AMTN: variants seen among roughly 807,000 people sequenced by gnomAD.
The protein encoded by AMTN is RSTI689.
In AMTN, 29 loss-of-function variants were observed where a neutral mutation model predicts 27.4. The observed-to-expected ratio is 1.06, with a 90% CI of 0.79 to 1.44. The LOEUF (loss-of-function observed/expected upper bound fraction) is 1.44. Ranked by LOEUF, AMTN falls within the 40% of genes most tolerant of loss-of-function variation. AMTN has a pLI of 0.00. For synonymous variants in AMTN, 86 were observed against 95.7 expected (o/e 0.90, Z 0.59); for missense variants, 247 against 248.8 (o/e 0.99, Z 0.05).
chr4:70,530,977 T>C (rs2109775634), intron 7 of AMTN, 62 bp from the exon 8 acceptor site: 1 of 1,583,436 alleles, frequency 6.3e-7, no homozygotes, highest in African/African-American at 1.3e-5. Context: ...TTGCTCCCCT[T>C]AAAAGAGAAA....
In AMTN at chr4:70,531,101, T is replaced by C; in HGVS notation, c.420T>C (p.Ser140=). 6.2e-7 allele frequency: 1 copy of C among 1,614,090 alleles called. No individual in the cohort carries two copies. The highest frequency in any genetic ancestry group is 8.5e-7 in the Non-Finnish European group (1 of 1,179,998). The change falls in exon 8 of 9, where the codon AGT becomes AGC. Residue 140 remains serine (S), a synonymous_variant. Coordinates refer to ENST00000339336, the MANE Select transcript of AMTN (RefSeq NM_212557.4). ...TCCCGGGAGGCATCCTGCCCACCAG[T>C]CAGGCAGGGGCTAATCCAGATGTCC... is the stretch of plus-strand genomic sequence containing the variant. ...SLFPGGILPT[S]QAGANPDVQD...
At chr4:70,525,178 C>G (rs1277395251) in intron 5 of AMTN, among the ~76,000 whole-genome samples, 1 of 152,158 alleles carries the variant, frequency 6.6e-6, no homozygotes, top group Non-Finnish European at 1.5e-5. Context: ...CACAACTTCT[C>G]TAGAATATAT....
rs1267613149 is a variant in AMTN, at chr4:70,531,044, A to G, written c.363A>G (p.Gln121=). Residue 121 remains glutamine, a synonymous_variant, in exon 8 of 9, where the codon CAA becomes CAG. Transcript: ENST00000339336. ...GTTTGCTTCCCTCATTCCAGCCACA[A>G]ATCTTCACGAGCCTCATCATCCATT... ...GTILSSEELP[Q]IFTSLIIHSL... 6.2e-7 allele frequency: 1 copy of G among 1,613,644 alleles called. No homozygotes were observed. The highest frequency in any genetic ancestry group is 2.2e-5 in the East Asian group (1 of 44,816).
chr4:70,523,770 T>C (rs1256180555), intron 3 of AMTN, 98 bp from the exon 4 acceptor site: 20 of 1,058,524 alleles, frequency 1.9e-5, no homozygotes, highest in Non-Finnish European at 2.9e-5. Context: ...TAAACCCACC[T>C]CTGACAGGAC....
At chr4:70,521,056 T>TG (rs1219195117) in intron 2 of AMTN, among the ~76,000 whole-genome samples, 1 of 152,116 alleles carries the variant, frequency 6.6e-6, no homozygotes, top group Non-Finnish European at 1.5e-5. Context: ...TAGACCACTG[T>TG]GGGGTCTCTG....
Position 70,518,616 on chromosome 4 carries a change from G to A in AMTN, c.-54G>A. Reference sequence around the variant, plus strand: ...CAGAGTAAACTTGAGAAACCAACTGGACCTTGAGTATTGTACATTTTGCCT... The same window carrying A: ...CAGAGTAAACTTGAGAAACCAACTGAACCTTGAGTATTGTACATTTTGCCT... On this transcript the variant is annotated 5_prime_UTR_variant, in exon 1 of 9. Coordinates refer to ENST00000339336, the MANE Select transcript of AMTN (RefSeq NM_212557.4). The A allele has an allele frequency of 1.7e-6, 1 of 596,084 alleles. No individual in the cohort carries two copies. Among genetic ancestry groups the A allele is most frequent in the African/African-American group, 1.9e-5 (1 of 53,358 alleles). The allele number at this position is 596,084 out of a possible 1,614,324, so 36.9% of individuals were successfully genotyped here.
chr4:70,529,270 C>A, intron 7 of AMTN, 60 bp downstream of exon 7: 2 of 1,286,086 alleles, frequency 1.6e-6, no homozygotes, highest in South Asian at 1.6e-5. Context: ...TGTTTTCTGT[C>A]CTCATATAGT....
At chr4:70,526,872 C>T (rs1229449177) in intron 5 of AMTN, among the ~76,000 whole-genome samples, 1 of 152,304 alleles carries the variant, frequency 6.6e-6, no homozygotes, top group East Asian at 1.9e-4. Flanking sequence ...GTGCTACCAC[C>T]AAGGGTTCCC....
At chr4:70,518,910 T>G in intron 2 of AMTN, 79 bp downstream of exon 2, 2 of 1,194,748 alleles carry the variant, frequency 1.7e-6, no homozygotes, top group Non-Finnish European at 2.5e-6. Flanking sequence ...TCTCCTGCCC[T>G]CCATCAAAAC....
In AMTN at chr4:70,522,768, C is replaced by T. The variant is rs747929560; in HGVS notation, c.68C>T (p.Ala23Val). The change falls in exon 3 of 9, where the codon GCT (alanine) becomes GTT (valine). Residue 23 changes from alanine to valine, a missense_variant. Transcript: ENST00000339336. ...STRSLPQLKP[A>V]LGLPPTKLAP... ...TTTTCACAAAAGCAGCTCAAACCTGCTTTGGGACTCCCTCCCACAAAACTG... is the reference window on the plus strand; with the variant it reads ...TTTTCACAAAAGCAGCTCAAACCTGTTTTGGGACTCCCTCCCACAAAACTG... 6.2e-7 allele frequency: 1 copy of T among 1,614,058 alleles called. No individual in the cohort carries two copies. The highest frequency in any genetic ancestry group is 8.5e-7 in the Non-Finnish European group (1 of 1,179,912).
At chr4:70,528,905 C>T in intron 6 of AMTN, 147 bp downstream of exon 6, 3 of 722,728 alleles carry the variant, frequency 4.2e-6, no homozygotes, top group Admixed American at 7.1e-5. Flanking sequence ...TTGCTTTCTG[C>T]ATAAGTTTTC....
At chr4:70,528,187 A>G (rs755285184) in intron 5 of AMTN, among the ~76,000 whole-genome samples, 5 of 151,640 alleles carry the variant, frequency 3.3e-5, no homozygotes, top group Admixed American at 6.6e-5. Context: ...ACTAACTTCT[A>G]TCTTCTAAAT....
chr4:70,521,570 TTATGTATATA>T (rs899261195), intron 2 of AMTN, among the ~76,000 whole-genome samples: 1 of 147,606 alleles, frequency 6.8e-6, no homozygotes, highest in African/African-American at 2.5e-5. Flanking sequence ...TATATGTATT[TTATGTATATA>T]TATGTATATA....
chr4:70,531,572 G>A (rs1425261187), intron 8 of AMTN, among the ~76,000 whole-genome samples: 1 of 152,076 alleles, frequency 6.6e-6, no homozygotes, highest in Non-Finnish European at 1.5e-5. Flanking sequence ...GAGTGCAGTG[G>A]CATGATCTCG....
chr4:70,521,095 G>A (rs570946940), intron 2 of AMTN, among the ~76,000 whole-genome samples: 1 of 152,096 alleles, frequency 6.6e-6, no homozygotes, highest in Non-Finnish European at 1.5e-5. Context: ...ATTGACAGTC[G>A]TTGGCCAGGC....
chr4:70,530,002 C>T (rs1736187538), intron 7 of AMTN, among the ~76,000 whole-genome samples: 1 of 152,046 alleles, frequency 6.6e-6, no homozygotes, highest in African/African-American at 2.4e-5. Flanking sequence ...ACATATGTTG[C>T]TTTCAACCTT....
At chr4:70,529,319 A>G in intron 7 of AMTN, 109 bp downstream of exon 7, 1 of 696,592 alleles carries the variant, frequency 1.4e-6, no homozygotes, top group Non-Finnish European at 2.2e-6. Flanking sequence ...TATGTACTAC[A>G]ATGAACTGAA....
At chr4:70,526,273 C>T (rs1736097030) in intron 5 of AMTN, among the ~76,000 whole-genome samples, 1 of 152,092 alleles carries the variant, frequency 6.6e-6, no homozygotes, top group South Asian at 2.1e-4. Flanking sequence ...TTGTAACATG[C>T]TTTTTTCCAC....
At chr4:70,524,740 C>A in intron 4 of AMTN, 132 bp from the exon 5 acceptor site, 1 of 805,930 alleles carries the variant, frequency 1.2e-6, no homozygotes, top group Non-Finnish European at 2.1e-6. Context: ...AGTATACATG[C>A]AATAGAACAC....
Sources: allele counts gnomAD v4.1 joint callset (sites outside exome capture counted in the v4.1 genomes callset), GRCh38; gene constraint gnomAD v4.1.1; transcripts MANE v1.5; gene names NCBI Gene and HGNC (gene_info 2026-07-23, HGNC 2026-07-21).